The following KCNH5 variants were observed in gnomAD, a reference collection of about 807,000 sequenced individuals.
The protein encoded by KCNH5 is voltage-gated delayed rectifier potassium channel KCNH5.
KCNH5 carries 46 observed loss-of-function variants against 96.1 expected under a neutral mutation model. That is an observed-to-expected ratio of 0.48 (90% CI 0.38 to 0.61). The LOEUF is 0.61. KCNH5 is among the 20% of genes least tolerant of loss of function. The pLI is 0.00. For synonymous variants in KCNH5, 439 were observed against 449.8 expected (o/e 0.98, Z 0.30); for missense variants, 907 against 1,225.8 (o/e 0.74, Z 3.88).
intron 9 of KCNH5, among the ~76,000 whole-genome samples, chr14:62,780,931 T>C (rs1407819055): frequency 1.3e-5 from 2 of 152,164 alleles, no homozygotes; most frequent in Non-Finnish European, 2.9e-5. Context: ...TGTTAATGAT[T>C]TATTCTTTCT....
intron 1 of KCNH5, among the ~76,000 whole-genome samples, chr14:63,023,211 A>G (rs1342547762): frequency 6.6e-6 from 1 of 152,044 alleles, no homozygotes; most frequent in East Asian, 1.9e-4. Flanking sequence ...TCAAAAAAAA[A>G]AAAAGAAAAA....
intron 9 of KCNH5, among the ~76,000 whole-genome samples, chr14:62,791,066 A>G (rs1886424180): frequency 6.6e-6 from 1 of 151,740 alleles, no homozygotes. Flanking sequence ...CTTAGTGGAG[A>G]AGTCTTTAGT....
At chr14:62,986,981 C>A in intron 5 of KCNH5, 91 bp downstream of exon 5, 1 of 818,516 alleles carries the variant, frequency 1.2e-6, no homozygotes, top group Non-Finnish European at 2.1e-6. Flanking sequence ...TTTATAAGAT[C>A]ATAGCCAGAA....
chr14:63,013,413 T>C (rs964584456), intron 2 of KCNH5, among the ~76,000 whole-genome samples: 3 of 152,160 alleles, frequency 2.0e-5, no homozygotes, highest in Non-Finnish European at 2.9e-5. Context: ...TATTCTCTTA[T>C]GTCTGTCTAA....
chr14:62,760,645 G>C (rs1160968163), intron 10 of KCNH5, among the ~76,000 whole-genome samples: 1 of 152,228 alleles, frequency 6.6e-6, no homozygotes, highest in African/African-American at 2.4e-5. Flanking sequence ...AGTACAACCT[G>C]ATTCAGAGAG....
chr14:62,903,520 A>C (rs1236049176), intron 7 of KCNH5, among the ~76,000 whole-genome samples: 1 of 152,196 alleles, frequency 6.6e-6, no homozygotes, highest in Non-Finnish European at 1.5e-5. Context: ...TTGTATATCT[A>C]AGCTTTGGTT....
At chr14:62,742,231 C>T (rs1391642652) in intron 10 of KCNH5, among the ~76,000 whole-genome samples, 1 of 152,130 alleles carries the variant, frequency 6.6e-6, no homozygotes, top group African/African-American at 2.4e-5. Flanking sequence ...ATCTTAGTTT[C>T]TCTTAGGTTT....
rs143477356 is a variant in KCNH5 at position 62,918,342 on chromosome 14, C to T, written c.1369+31791G>A. 3.7e-3 allele frequency among the ~76,000 whole-genome samples: 564 copies of T among 151,876 alleles called. 6 individuals carry two copies. Among genetic ancestry groups the T allele is most frequent in the Non-Finnish European group, 4.6e-3 (313 of 67,910 alleles). The stretch of plus-strand genomic sequence containing the variant: ...TACAGAAGGCCCCAAAAGCAAGAAA[C>T]CATAAAAGAAAAGGTCTGTTTGACC... On this transcript the variant is annotated intron_variant, in intron 7 of 10. Coordinates refer to ENST00000322893, the MANE Select transcript of KCNH5 (RefSeq NM_139318.5).
At chr14:62,953,453 G>A (rs1218399980) in intron 6 of KCNH5, among the ~76,000 whole-genome samples, 1 of 152,108 alleles carries the variant, frequency 6.6e-6, no homozygotes, top group Non-Finnish European at 1.5e-5. Context: ...CCTCTCTCCT[G>A]AGTTATTGAT....
At chr14:62,882,016 C>G (rs1004456070) in intron 7 of KCNH5, among the ~76,000 whole-genome samples, 1 of 149,716 alleles carries the variant, frequency 6.7e-6, no homozygotes, top group Non-Finnish European at 1.5e-5. Context: ...GTAATCCCAG[C>G]ACTTTGGGAG....
At chr14:62,961,787 GAGATGC>G (rs1890210883) in intron 6 of KCNH5, among the ~76,000 whole-genome samples, 2 of 151,990 alleles carry the variant, frequency 1.3e-5, no homozygotes, top group Admixed American at 6.6e-5. Context: ...GATGGAGATG[GAGATGC>G]AGATGCAGAT....
chr14:62,950,215 G>A lies in KCNH5; in HGVS notation c.1287C>T (p.Ser429=), dbSNP rs1889973244. Reference sequence around the variant, plus strand: ...TGTTTCCAAATCCTATGGTTGTAAGGCTTGTCATGGTAAAGTAGAGAGAGG... The same window carrying A: ...TGTTTCCAAATCCTATGGTTGTAAGACTTGTCATGGTAAAGTAGAGAGAGG... ...YVSSLYFTMT[S]LTTIGFGNIA... is the part of the protein sequence containing the mutation. The change falls in exon 7 of 11, where the codon AGC becomes AGT. Residue 429 remains serine, a synonymous_variant. Transcript: ENST00000322893. 1 of 1,613,686 alleles carries A rather than the reference G, an allele frequency of 6.2e-7. No individual in the cohort carries two copies. Among genetic ancestry groups the A allele is most frequent in the Admixed American group, 1.7e-5 (1 of 59,954 alleles).
intron 9 of KCNH5, 43 bp downstream of exon 9, chr14:62,802,286 T>C (rs768279287): frequency 1.1e-5 from 18 of 1,583,270 alleles, no homozygotes; most frequent in Non-Finnish European, 1.5e-5. Flanking sequence ...TATCTAAAAC[T>C]GTTACTACGC....
At chr14:62,866,730 T>A (rs965094770) in intron 7 of KCNH5, among the ~76,000 whole-genome samples, 10 of 152,144 alleles carry the variant, frequency 6.6e-5, no homozygotes, top group African/African-American at 2.4e-4. Context: ...ACAGGTGCTT[T>A]CAAGTTCCCA....
chr14:62,868,543 A>T (rs1888183470), intron 7 of KCNH5, among the ~76,000 whole-genome samples: 1 of 152,082 alleles, frequency 6.6e-6, no homozygotes, highest in Non-Finnish European at 1.5e-5. Flanking sequence ...TGCTTTTAAA[A>T]TTTTTTAATT....
chr14:63,031,610 G>T (rs1008481747), intron 1 of KCNH5, among the ~76,000 whole-genome samples: 1 of 152,130 alleles, frequency 6.6e-6, no homozygotes, highest in African/African-American at 2.4e-5. Context: ...AAGGAAATGG[G>T]AGAAATCAAA....
At chr14:62,937,656 A>C (rs1889711265) in intron 7 of KCNH5, among the ~76,000 whole-genome samples, 1 of 152,226 alleles carries the variant, frequency 6.6e-6, no homozygotes, top group Non-Finnish European at 1.5e-5. Context: ...ATTGTTGCTC[A>C]GCAAAATGTT....
rs536555991 is a variant in KCNH5 at position 62,802,732 on chromosome 14, C to T, written c.1570-151G>A. On this transcript the variant is annotated intron_variant, in intron 8 of 10. Transcript: ENST00000322893. The stretch of plus-strand genomic sequence containing the variant: ...TACTGGGAAGGCAAAGGGAACAAGA[C>T]ACAGCTCCGCTCTCAAGGAGGTAAT... The T allele has an allele frequency of 7.3e-5, 62 of 853,922 alleles. No homozygotes were observed. The African/African-American group carries it at 8.0e-4, about 11-fold the overall frequency. The allele number at this position is 853,922 out of a possible 1,614,324, so 52.9% of individuals were successfully genotyped here.
chr14:62,863,882 T>C (rs1355308339), intron 7 of KCNH5, among the ~76,000 whole-genome samples: 1 of 152,152 alleles, frequency 6.6e-6, no homozygotes, highest in African/African-American at 2.4e-5. Flanking sequence ...TATACTTTTT[T>C]ATATGTATCT....
Sources: allele counts gnomAD v4.1 joint callset (sites outside exome capture counted in the v4.1 genomes callset), GRCh38; gene constraint gnomAD v4.1.1; transcripts MANE v1.5; gene names NCBI Gene and HGNC (gene_info 2026-07-23, HGNC 2026-07-21).